Variants in PLEKHA8 observed in about 807,000 individuals in gnomAD.
The protein encoded by PLEKHA8 is pleckstrin homology domain containing A8.
A neutral mutation model predicts 68.2 loss-of-function variants in PLEKHA8; 36 were observed. The ratio of observed to expected loss-of-function variants is 0.53; its 90% CI spans 0.40 to 0.70. The LOEUF (loss-of-function observed/expected upper bound fraction) is 0.70, where lower values mean the gene tolerates loss of function less well. Ranked by LOEUF, PLEKHA8 falls within the 30% of genes least tolerant of loss-of-function variation. PLEKHA8 has a pLI of 0.00. For missense variants in PLEKHA8, 505 were observed against 615.4 expected (o/e 0.82, Z 1.90); for synonymous variants, 211 against 216.1 (o/e 0.98, Z 0.20).
chr7:30,062,535 G>T, intron 11 of PLEKHA8, 137 bp from the exon 12 acceptor site: 1 of 679,994 alleles, frequency 1.5e-6, no homozygotes, highest in South Asian at 1.6e-5. Flanking sequence ...GTTCAGGAAG[G>T]ACTGCCATAT....
downstream of PLEKHA8, among the ~76,000 whole-genome samples, chr7:30,092,460 T>C (rs1233759679): frequency 6.6e-6 from 1 of 152,058 alleles, no homozygotes; most frequent in East Asian, 1.9e-4. Context: ...TGTCTGTATG[T>C]GAATGTGGCA....
chr7:30,055,746 A>G (rs1439517620), intron 9 of PLEKHA8, among the ~76,000 whole-genome samples: 1 of 151,950 alleles, frequency 6.6e-6, no homozygotes, highest in South Asian at 2.1e-4. Context: ...GTTCACTGCA[A>G]ACTTCACCTC....
At chr7:30,117,135 C>T (rs1403570671) in intron 13 of PLEKHA8, among the ~76,000 whole-genome samples, 2 of 152,154 alleles carry the variant, frequency 1.3e-5, no homozygotes, top group African/African-American at 4.8e-5. Flanking sequence ...GAGAGGCAGG[C>T]AGGGTCAAGG....
chr7:30,088,864 G>A (rs2128004361), downstream of PLEKHA8, among the ~76,000 whole-genome samples: 1 of 151,646 alleles, frequency 6.6e-6, no homozygotes, highest in Middle Eastern at 3.4e-3. Context: ...GGTGAATAGG[G>A]GCAGGATGAG....
downstream of PLEKHA8, among the ~76,000 whole-genome samples, chr7:30,092,572 G>GA (rs1312803137): frequency 6.6e-6 from 1 of 152,162 alleles, no homozygotes; most frequent in Non-Finnish European, 1.5e-5. Flanking sequence ...GGATGCACCT[G>GA]ACACTCTCCA....
chr7:30,116,257 TACATGCATAC>T, intron 13 of PLEKHA8, among the ~76,000 whole-genome samples: 1 of 151,528 alleles, frequency 6.6e-6, no homozygotes, highest in African/African-American at 2.4e-5. Context: ...TGTACACGTA[TACATGCATAC>T]ATGTATGTAT....
chr7:30,035,876 G>A (rs1791027363), intron 1 of PLEKHA8, among the ~76,000 whole-genome samples: 1 of 151,926 alleles, frequency 6.6e-6, no homozygotes, highest in South Asian at 2.1e-4. Flanking sequence ...TTGAACTCCT[G>A]ACCTCGTGAT....
chr7:30,080,609 T>G lies in PLEKHA8; in HGVS notation c.*1822T>G, dbSNP rs982820775. The G allele has an allele frequency of 1.0e-6, 1 of 985,262 alleles. No individual in the cohort carries two copies. The highest frequency in any genetic ancestry group is 1.2e-6 in the Non-Finnish European group (1 of 829,892). The allele number at this position is 985,262 out of a possible 1,614,324, so 61.0% of individuals were successfully genotyped here. A position where few individuals can be genotyped will look rare whatever the true frequency, so the allele number is the denominator to read the frequency against. ...TTAGGTATTTTGCCCACATAAAGAC[T>G]TCTGGAAAATACTTAAACTTGAAAA... On this transcript the variant is annotated 3_prime_UTR_variant, in exon 14 of 14. Transcript: ENST00000449726.
rs376978503 is a variant in PLEKHA8 at position 30,077,844 on chromosome 7, G to A, written c.1363-746G>A. On this transcript the variant is annotated intron_variant, in intron 13 of 13. Transcript: ENST00000449726. ...TAGCAAGCTTAGGAAATATTGGCCC[G>A]CAAAGGAAGAGAAGGATAAGATGCC... is the stretch of plus-strand genomic sequence containing the variant. Among the ~76,000 whole-genome samples the A allele has an allele frequency of 9.9e-4, 150 of 152,256 alleles. 2 individuals are homozygous for A. The South Asian group carries it at 0.03, about 30-fold the overall frequency.
chr7:30,105,828 A>G (rs542014433), intron 13 of PLEKHA8, among the ~76,000 whole-genome samples: 35 of 152,334 alleles, frequency 2.3e-4, no homozygotes, highest in Middle Eastern at 6.8e-3. Context: ...TACATTGGTT[A>G]TATGAGTAGC....
chr7:30,038,131 G>A (rs1791243116), intron 1 of PLEKHA8, among the ~76,000 whole-genome samples: 1 of 152,110 alleles, frequency 6.6e-6, no homozygotes, highest in African/African-American at 2.4e-5. Flanking sequence ...TAACTAGTAG[G>A]CATTCTACTA....
intron 13 of PLEKHA8, among the ~76,000 whole-genome samples, chr7:30,102,290 G>A (rs930324081): frequency 1.3e-5 from 2 of 152,204 alleles, no homozygotes; most frequent in Non-Finnish European, 2.9e-5. Flanking sequence ...AATGAATATT[G>A]GTGAGGATGT....
Position 30,061,937 on chromosome 7 carries a change from C to A in PLEKHA8, c.1139C>A (p.Thr380Asn), listed in dbSNP as rs1793472087. ...TATATAACCAACAAAGAAGAGTTTA[C>A]CACTCTCCAGAAGATAGTGCTGCAC... is the stretch of plus-strand genomic sequence containing the variant. ...QKYITNKEEF[T>N]TLQKIVLHEV... The change falls in exon 11 of 14, where the codon ACC (threonine) becomes AAC (asparagine). Residue 380 changes from threonine (T) to asparagine (N), a missense_variant. Physicochemically the swap from Thr to Asn is moderately conservative, Grantham distance 65. Coordinates refer to ENST00000449726, the MANE Select transcript of PLEKHA8 (RefSeq NM_001197026.2). The A allele has an allele frequency of 6.2e-7, 1 of 1,614,056 alleles. No homozygotes were observed. The highest frequency in any genetic ancestry group is 1.1e-5 in the South Asian group (1 of 91,080).
At chr7:30,104,713 CTTTT>C (rs34669397) in intron 13 of PLEKHA8, among the ~76,000 whole-genome samples, 3 of 102,864 alleles carry the variant, frequency 2.9e-5, no homozygotes, top group African/African-American at 1.1e-4. Context: ...GTCACAACAG[CTTTT>C]TTTTTTTTTT....
In PLEKHA8 at chr7:30,084,378, A is replaced by G. The variant is rs1795090271; in HGVS notation, c.*5591A>G. On this transcript the variant is annotated 3_prime_UTR_variant, in exon 14 of 14. Coordinates refer to ENST00000449726, the MANE Select transcript of PLEKHA8 (RefSeq NM_001197026.2). ...TTTGAATGAGCATCATAATCAGAGT[A>G]GAAGGCAAGTTAAACTATAAAAGTG... 1 of 985,410 alleles carries G rather than the reference A, an allele frequency of 1.0e-6. No homozygotes were observed. Among genetic ancestry groups the G allele is most frequent in the Non-Finnish European group, 1.2e-6 (1 of 829,900 alleles). 61.0% of individuals were successfully genotyped at this position (985,410 alleles called of 1,614,324 possible).
At position 30,056,328 on chromosome 7, in the gene PLEKHA8, A is replaced by C. The variant is rs1192986649; in HGVS notation, c.1039+986A>C. Among the ~76,000 whole-genome samples the C allele has an allele frequency of 2.1e-3, 284 of 132,824 alleles. 1 individual carries two copies. The highest frequency in any genetic ancestry group is 6.5e-3 in the African/African-American group (231 of 35,662). The allele number at this position is 132,824 out of a possible 152,430, so 87.1% of individuals were successfully genotyped here. On this transcript the variant is annotated intron_variant, in intron 9 of 13. Transcript: ENST00000449726. ...TCTCTCTCTCTATATATATATATATATATAAATAACATATATATAATATAT... is the reference window on the plus strand; with the variant it reads ...TCTCTCTCTCTATATATATATATATCTATAAATAACATATATATAATATAT...
intron 13 of PLEKHA8, among the ~76,000 whole-genome samples, chr7:30,115,477 T>C (rs952123578): frequency 6.6e-6 from 1 of 152,022 alleles, no homozygotes; most frequent in African/African-American, 2.4e-5. Flanking sequence ...TACACACATG[T>C]ATACGTGTAT....
intron 13 of PLEKHA8, among the ~76,000 whole-genome samples, chr7:30,103,302 A>G (rs1318798880): frequency 1.3e-5 from 2 of 152,260 alleles, no homozygotes; most frequent in Non-Finnish European, 2.9e-5. Flanking sequence ...AAGTTATTGC[A>G]TGAATTGTGC....
chr7:30,071,970 C>A (rs1794265406), intron 12 of PLEKHA8: 9 of 152,170 alleles, frequency 5.9e-5, no homozygotes, highest in Admixed American at 5.9e-4. Context: ...CAACCCCTTT[C>A]TTCACATTTC....
Sources: gnomAD v4.1 joint callset for allele counts (sites outside exome capture counted in the v4.1 genomes callset) on GRCh38, gnomAD v4.1.1 for gene constraint, MANE v1.5 for transcripts, NCBI Gene and HGNC (gene_info 2026-07-23, HGNC 2026-07-21) for gene names.